Variants in XXYLT1 observed in about 807,000 individuals in gnomAD.
XXYLT1 encodes the protein xyloside xylosyltransferase 1.
A neutral mutation model predicts 28.9 loss-of-function variants in XXYLT1; 20 were observed. That is an observed-to-expected ratio of 0.69 (90% CI 0.49 to 1.00). XXYLT1 has a LOEUF of 1.00. Ranked by LOEUF, XXYLT1 falls within the 50% of genes least tolerant of loss-of-function variation. The pLI, the probability that XXYLT1 is intolerant of heterozygous loss-of-function variation, is 0.00. For missense variants in XXYLT1, 542 were observed against 560.1 expected, an observed-to-expected ratio of 0.97 and a Z score of 0.33; for synonymous variants, 257 against 253.8, an observed-to-expected ratio of 1.01 and a Z score of -0.12.
At chr3:195,081,163 T>A (rs1715410265) in intron 3 of XXYLT1, among the ~76,000 whole-genome samples, 1 of 151,942 alleles carries the variant, frequency 6.6e-6, no homozygotes, top group South Asian at 2.1e-4. Flanking sequence ...CGTCAGCCAC[T>A]GCATTTCTGA....
intron 3 of XXYLT1, among the ~76,000 whole-genome samples, chr3:195,081,827 C>G (rs1477122215): frequency 6.6e-6 from 1 of 152,236 alleles, no homozygotes; most frequent in Admixed American, 6.5e-5. Context: ...CCAGTGGGCC[C>G]TGCAACTGGT....
intron 2 of XXYLT1, among the ~76,000 whole-genome samples, chr3:195,177,261 G>A (rs1721713714): frequency 6.6e-6 from 1 of 152,190 alleles, no homozygotes; most frequent in Non-Finnish European, 1.5e-5. Flanking sequence ...TAGACAGTGA[G>A]GCCCACAGAG....
At chr3:195,247,729 A>C (rs1011610719) in intron 1 of XXYLT1, 5 of 694,854 alleles carry the variant, frequency 7.2e-6, no homozygotes, top group Non-Finnish European at 1.3e-5. Context: ...AGAAGGACCC[A>C]AGACTTGGTG....
rs997159734 is a variant in XXYLT1 at position 195,108,573 on chromosome 3, A to G, written c.786-38462T>C. On this transcript the variant is annotated intron_variant, in intron 3 of 3. Transcript: ENST00000310380. ...GTTAGGTGATTTCGTCTTTGTGTGA[A>G]CACACAGAGTGACTTCCACAAACCT... Among the ~76,000 whole-genome samples, 3 of 152,218 alleles carry G rather than the reference A, an allele frequency of 2.0e-5. No homozygotes were observed. The South Asian group carries it at 6.2e-4, about 32-fold the overall frequency.
At chr3:195,118,390 C>T (rs1172009867) in intron 3 of XXYLT1, among the ~76,000 whole-genome samples, 1 of 152,098 alleles carries the variant, frequency 6.6e-6, no homozygotes, top group East Asian at 1.9e-4. Context: ...CCACCACTAG[C>T]GTGACTACAC....
At chr3:195,221,869 A>T (rs1017145466) in intron 2 of XXYLT1, among the ~76,000 whole-genome samples, 6 of 152,196 alleles carry the variant, frequency 3.9e-5, no homozygotes, top group Non-Finnish European at 1.5e-5. Flanking sequence ...TGGAGGGCAC[A>T]CAGGCAGGCA....
intron 3 of XXYLT1, among the ~76,000 whole-genome samples, chr3:195,099,638 G>A (rs759248493): frequency 3.3e-5 from 5 of 152,038 alleles, no homozygotes; most frequent in Non-Finnish European, 7.4e-5. Flanking sequence ...AGACCATCCT[G>A]GTTAACACGT....
At chr3:195,137,955 C>T (rs910878596) in intron 3 of XXYLT1, among the ~76,000 whole-genome samples, 4 of 152,160 alleles carry the variant, frequency 2.6e-5, no homozygotes, top group Non-Finnish European at 5.9e-5. Context: ...CTCAAATATG[C>T]CATGGAAGGG....
chr3:195,153,229 C>T (rs892265014), intron 3 of XXYLT1, among the ~76,000 whole-genome samples: 3 of 152,248 alleles, frequency 2.0e-5, no homozygotes, highest in African/African-American at 7.2e-5. Flanking sequence ...AATGCCGGAT[C>T]TCCCAGGTCC....
chr3:195,196,565 C>T (rs562561493), intron 2 of XXYLT1, among the ~76,000 whole-genome samples: 5 of 152,242 alleles, frequency 3.3e-5, no homozygotes, highest in South Asian at 2.1e-4. Flanking sequence ...GGCAGATAGG[C>T]GGAGAAAGAG....
chr3:195,164,679 G>A (rs936706334), intron 2 of XXYLT1, among the ~76,000 whole-genome samples: 1 of 152,154 alleles, frequency 6.6e-6, no homozygotes, highest in African/African-American at 2.4e-5. Flanking sequence ...CCTCACCTTG[G>A]GGTACCCATA....
intron 3 of XXYLT1, among the ~76,000 whole-genome samples, chr3:195,110,252 G>T (rs1717483851): frequency 1.0e-3 from 6 of 5,804 alleles, no homozygotes; most frequent in South Asian, 6.0e-3. Context: ...GTGTGTGGGT[G>T]AAGTGTGTGT....
intron 2 of XXYLT1, among the ~76,000 whole-genome samples, chr3:195,190,264 G>A (rs776975051): frequency 5.9e-5 from 9 of 152,128 alleles, no homozygotes; most frequent in South Asian, 2.1e-4. Context: ...AGAAGCCAAC[G>A]TGGGTGGATC....
intron 3 of XXYLT1, among the ~76,000 whole-genome samples, chr3:195,086,181 C>G (rs2108653805): frequency 6.6e-6 from 1 of 152,320 alleles, no homozygotes; most frequent in East Asian, 1.9e-4. Flanking sequence ...GCTCAGCACT[C>G]TACAGCACTG....
In XXYLT1 at chr3:195,088,417, G is replaced by A. The variant is rs138403698; in HGVS notation, c.786-18306C>T. On this transcript the variant is annotated intron_variant, in intron 3 of 3. Coordinates refer to ENST00000310380, the MANE Select transcript of XXYLT1 (RefSeq NM_152531.5). ...GCCTAACTGGGAGGCACCCCCCAGC[G>A]GGGCACCTCACAGGGCCGGGTACTC... 7.4e-3 allele frequency among the ~76,000 whole-genome samples: 1,038 copies of A among 140,480 alleles called. 124 individuals carry two copies. Among genetic ancestry groups the A allele is most frequent in the Non-Finnish European group, 0.013 (804 of 62,566 alleles). 92.2% of individuals were successfully genotyped at this position (140,480 alleles called of 152,430 possible). A position where few individuals can be genotyped will look rare whatever the true frequency, so the allele number is the denominator to read the frequency against.
chr3:195,139,556 C>CTA (rs1469990139), intron 3 of XXYLT1, among the ~76,000 whole-genome samples: 1 of 152,194 alleles, frequency 6.6e-6, no homozygotes, highest in Non-Finnish European at 1.5e-5. Context: ...GCCCTCTAGG[C>CTA]TATATACCTC....
At chr3:195,269,311 G>A (rs1034201362) in intron 1 of XXYLT1, among the ~76,000 whole-genome samples, 2 of 152,184 alleles carry the variant, frequency 1.3e-5, no homozygotes, top group Non-Finnish European at 2.9e-5. Context: ...GGGTCATTAG[G>A]ATCACCTGGG....
chr3:195,138,709 A>G (rs1260585979), intron 3 of XXYLT1, among the ~76,000 whole-genome samples: 1 of 151,558 alleles, frequency 6.6e-6, no homozygotes, highest in African/African-American at 2.4e-5. Flanking sequence ...ACAAAAATTA[A>G]CCAGGCATGG....
chr3:195,148,317 C>CA (rs1719980733), intron 3 of XXYLT1, among the ~76,000 whole-genome samples: 1 of 152,186 alleles, frequency 6.6e-6, no homozygotes, highest in Non-Finnish European at 1.5e-5. Context: ...ACGGGCTACA[C>CA]AAAAACACTT....
Sources: gnomAD v4.1 joint callset for allele counts (sites outside exome capture counted in the v4.1 genomes callset) on GRCh38, gnomAD v4.1.1 for gene constraint, MANE v1.5 for transcripts, NCBI Gene and HGNC (gene_info 2026-07-23, HGNC 2026-07-21) for gene names.